Variants in SGF29 observed in about 807,000 individuals in gnomAD.
SGF29 encodes the protein SAGA-associated factor 29.
Under a neutral mutation model 38.1 loss-of-function variants are expected in SGF29, and 15 were observed. The ratio of observed to expected loss-of-function variants is 0.39; its 90% CI spans 0.26 to 0.61. The LOEUF (loss-of-function observed/expected upper bound fraction) is 0.61. Ranked by LOEUF, SGF29 falls within the 20% of genes least tolerant of loss-of-function variation. The pLI is 0.49. For synonymous variants in SGF29, 151 were observed against 160.8 expected, an observed-to-expected ratio of 0.94 and a Z score of 0.46; for missense variants, 184 against 394.6, an observed-to-expected ratio of 0.47 and a Z score of 4.52.
intron 1 of SGF29, among the ~76,000 whole-genome samples, chr16:28,577,821 A>G (rs1396126402): frequency 4.6e-5 from 7 of 152,186 alleles, no homozygotes; most frequent in African/African-American, 1.7e-4. Context: ...ATAGGGAACC[A>G]GATTCATTCT....
rs1567293926 is a variant in SGF29, at chr16:28,590,626, T to C, written c.567-5T>C. The C allele has an allele frequency of 1.9e-6, 3 of 1,613,704 alleles. No individual in the cohort carries two copies. The highest frequency in any genetic ancestry group is 1.1e-5 in the South Asian group (1 of 91,054). On this transcript the variant is annotated splice_polypyrimidine_tract_variant and splice_region_variant and intron_variant, in intron 7 of 9. Transcript: ENST00000317058. This position sits in a 1 kb window ranked among gnomAD's most constrained non-coding sequence, Gnocchi z 8.2. ...CATCCAGCCTTTTCCTCCTTTTGTC[T>C]GCAGGTATGAGGTAGATGACATCGA...
At chr16:28,561,968 C>CTCTG (rs1403248879) in intron 1 of SGF29, among the ~76,000 whole-genome samples, 1 of 152,206 alleles carries the variant, frequency 6.6e-6, no homozygotes, top group Non-Finnish European at 1.5e-5. Context: ...TTATGACTGA[C>CTCTG]CAGATCCAGA....
chr16:28,559,521 T>A (rs559661072), intron 1 of SGF29, among the ~76,000 whole-genome samples: 2 of 152,096 alleles, frequency 1.3e-5, no homozygotes, highest in Admixed American at 6.6e-5. Flanking sequence ...GTAGCTGGGA[T>A]TACAGGTGTG....
In SGF29 at chr16:28,591,751, C is replaced by G. The variant is rs758044071; in HGVS notation, c.*45C>G. On this transcript the variant is annotated 3_prime_UTR_variant, in exon 10 of 10. Transcript: ENST00000317058. ...CATCCCCCAACGACACAGGGCAGGACAGCAGAGGACGTGCTGGGATTAAAC... is the reference window on the plus strand; with the variant it reads ...CATCCCCCAACGACACAGGGCAGGAGAGCAGAGGACGTGCTGGGATTAAAC... 3 of 1,463,462 alleles carry G rather than the reference C, an allele frequency of 2.0e-6. No individual in the cohort carries two copies. The South Asian group carries it at 3.5e-5, about 17-fold the overall frequency. 90.7% of individuals were successfully genotyped at this position (1,463,462 alleles called of 1,614,324 possible).
chr16:28,573,392 A>G (rs1053982292), intron 1 of SGF29, among the ~76,000 whole-genome samples: 15 of 152,136 alleles, frequency 9.9e-5, no homozygotes, highest in African/African-American at 3.4e-4. Context: ...CTTCCCCTGC[A>G]GGGGCTGTTG....
At chr16:28,563,715 C>CTTTTTT (rs11445174) in intron 1 of SGF29, among the ~76,000 whole-genome samples, 13 of 80,822 alleles carry the variant, frequency 1.6e-4, no homozygotes, top group East Asian at 3.0e-4. Flanking sequence ...GAGAAACAGA[C>CTTTTTT]TTTTTTTTTT....
At chr16:28,585,540 C>T in intron 3 of SGF29, 108 bp from the exon 4 acceptor site, 1 of 1,001,900 alleles carries the variant, frequency 1.0e-6, no homozygotes. Context: ...CTGACTGCAG[C>T]TACGGCCTCT....
rs917540802 is a variant in SGF29 at position 28,553,931 on chromosome 16, G to A, written c.-182G>A. On this transcript the variant is annotated 5_prime_UTR_variant, in exon 1 of 10. Coordinates refer to ENST00000317058, the MANE Select transcript of SGF29 (RefSeq NM_138414.3). ...CATGCGTGCAAGGTCCTCCGCGCGC[G>A]ACTACGCTCATAAAAGGAAAAAAAA... 1 of 136,984 alleles carries A rather than the reference G, an allele frequency of 7.3e-6. No individual in the cohort carries two copies. Among genetic ancestry groups the A allele is most frequent in the Non-Finnish European group, 1.6e-5 (1 of 61,906 alleles). 8.5% of individuals were successfully genotyped at this position (136,984 alleles called of 1,614,324 possible).
chr16:28,554,155 G>A (rs978710679), intron 1 of SGF29, 58 bp downstream of exon 1: 2 of 152,248 alleles, frequency 1.3e-5, no homozygotes, highest in Non-Finnish European at 2.9e-5. Flanking sequence ...GCGAAGGGCT[G>A]AGTCCTCCCT....
intron 1 of SGF29, among the ~76,000 whole-genome samples, chr16:28,573,583 A>T (rs1040910865): frequency 2.0e-5 from 3 of 151,582 alleles, no homozygotes; most frequent in Non-Finnish European, 4.4e-5. Context: ...TTCAGGATGA[A>T]CTCTCCTCAA....
intron 1 of SGF29, among the ~76,000 whole-genome samples, chr16:28,569,308 C>T (rs2046851280): frequency 6.6e-6 from 1 of 152,004 alleles, no homozygotes. Flanking sequence ...AATTTAAAGC[C>T]AAAAGGAAAG....
intron 1 of SGF29, among the ~76,000 whole-genome samples, chr16:28,560,603 AAAG>A (rs1290765975): frequency 1.3e-5 from 2 of 149,042 alleles, no homozygotes; most frequent in Admixed American, 6.7e-5. Context: ...AAAAAAAAAA[AAAG>A]AACGAAAATT....
intron 1 of SGF29, among the ~76,000 whole-genome samples, chr16:28,555,487 C>G (rs1307669520): frequency 6.6e-6 from 1 of 151,976 alleles, no homozygotes; most frequent in Non-Finnish European, 1.5e-5. Flanking sequence ...AAAAAGAGTT[C>G]TAGAGGTGGA....
At chr16:28,577,100 G>A (rs1055560847) in intron 1 of SGF29, among the ~76,000 whole-genome samples, 2 of 152,014 alleles carry the variant, frequency 1.3e-5, no homozygotes, top group East Asian at 3.9e-4. Context: ...CCCGGGAGGC[G>A]GAGGTTGCAG....
chr16:28,588,986 G>A (rs2151654439), intron 4 of SGF29, 114 bp from the exon 5 acceptor site: 1 of 1,081,922 alleles, frequency 9.2e-7, no homozygotes, highest in Non-Finnish European at 1.4e-6. Context: ...GAGAACCTCT[G>A]GAGTCCGGGA....
At chr16:28,564,739 ATATATGTATATATATGTATATATG>A (rs2046823391) in intron 1 of SGF29, among the ~76,000 whole-genome samples, 1 of 6,218 alleles carries the variant, frequency 1.6e-4, no homozygotes, top group African/African-American at 3.1e-4. Context: ...ATATATATGT[ATATATGTATATATATGTATATATG>A]TATATATATG....
chr16:28,572,511 C>T lies in SGF29; in HGVS notation c.-15-8544C>T, dbSNP rs1321893648. Among the ~76,000 whole-genome samples, 8 of 152,098 alleles carry T rather than the reference C, an allele frequency of 5.3e-5. No individual in the cohort carries two copies. The East Asian group carries it at 7.7e-4, about 15-fold the overall frequency. ...CTCAAACTCCTGACCTCAGGTAATC[C>T]GCCTGCCTCGGCTTCCCAAAGTGCT... On this transcript the variant is annotated intron_variant, in intron 1 of 9. Coordinates refer to ENST00000317058, the MANE Select transcript of SGF29 (RefSeq NM_138414.3).
chr16:28,565,166 C>T (rs1357583180), intron 1 of SGF29, among the ~76,000 whole-genome samples: 1 of 152,134 alleles, frequency 6.6e-6, no homozygotes, highest in Non-Finnish European at 1.5e-5. Context: ...TTGTGCCAGC[C>T]ATGCTGGCAG....
intron 1 of SGF29, among the ~76,000 whole-genome samples, chr16:28,564,758 T>TATATATAC: frequency 1.5e-5 from 1 of 65,546 alleles, no homozygotes; most frequent in Non-Finnish European, 3.0e-5. Context: ...TATATATGTA[T>TATATATAC]ATATGTATAT....
Sources: allele counts gnomAD v4.1 joint callset (sites outside exome capture counted in the v4.1 genomes callset), GRCh38; gene constraint gnomAD v4.1.1; non-coding constraint Gnocchi (gnomAD v3.1); transcripts MANE v1.5; gene names NCBI Gene and HGNC (gene_info 2026-07-23, HGNC 2026-07-21).